DPYSL5: variants seen among roughly 807,000 people sequenced by gnomAD.
The protein encoded by DPYSL5 is dihydropyrimidinase-related protein 5.
Under a neutral mutation model 58.4 loss-of-function variants are expected in DPYSL5, and 9 were observed. The observed-to-expected ratio is 0.15, with a 90% CI of 0.09 to 0.27. The LOEUF (loss-of-function observed/expected upper bound fraction) is 0.27, where lower values mean the gene tolerates loss of function less well. DPYSL5 is among the 10% of genes least tolerant of loss of function. The probability of loss-of-function intolerance (pLI) is 1.00; values close to 1 mark genes in which losing one functional copy is unlikely to be tolerated. For synonymous variants in DPYSL5, 293 were observed against 301.9 expected, an observed-to-expected ratio of 0.97 and a Z score of 0.31; for missense variants, 499 against 770.6, an observed-to-expected ratio of 0.65 and a Z score of 4.17.
intron 5 of DPYSL5, among the ~76,000 whole-genome samples, chr2:26,930,865 G>T (rs6547319): frequency 0.97 from 146,882 of 151,430 alleles, 71,411 homozygotes; most frequent in East Asian, 1. Context: ...TCCCAGCTAC[G>T]CGGGAGGCTG....
rs111877053 is a variant in DPYSL5 at position 26,894,813 on chromosome 2, T to A, written c.-4-3683T>A. On this transcript the variant is annotated intron_variant, in intron 1 of 12. Transcript: ENST00000288699. ...TGCCTTCAGTCAGAGTTCATCAAAG[T>A]CTCACTGATTTCCAAAGCAGAGGTC... Among the ~76,000 whole-genome samples, 322 of 152,252 alleles carry A rather than the reference T, an allele frequency of 2.1e-3. 1 individual carries two copies. Among genetic ancestry groups the A allele is most frequent in the African/African-American group, 7.5e-3 (312 of 41,552 alleles).
chr2:26,897,933 T>C (rs980477846), intron 1 of DPYSL5, among the ~76,000 whole-genome samples: 3 of 152,064 alleles, frequency 2.0e-5, no homozygotes, highest in African/African-American at 7.2e-5. Flanking sequence ...AATAGGAGCA[T>C]GAAGGAAGCA....
intron 5 of DPYSL5, 137 bp from the exon 6 acceptor site, chr2:26,931,503 G>C: frequency 3.4e-6 from 3 of 871,722 alleles, no homozygotes; most frequent in Non-Finnish European, 5.4e-6. Context: ...GGTAGTTGGA[G>C]GTTAGTGCCT....
intron 1 of DPYSL5, among the ~76,000 whole-genome samples, chr2:26,887,542 G>A (rs978683123): frequency 6.6e-6 from 1 of 152,202 alleles, no homozygotes; most frequent in African/African-American, 2.4e-5. Context: ...TACCTTATAG[G>A]AGTGTATGGT....
intron 2 of DPYSL5, among the ~76,000 whole-genome samples, chr2:26,920,033 T>A (rs139104352): frequency 0.011 from 1,692 of 152,334 alleles, 19 homozygotes; most frequent in African/African-American, 0.032. Context: ...TTTTTAATTG[T>A]ATAAATTTTG....
rs542453490 is a variant in DPYSL5 at position 26,944,118 on chromosome 2, G to A, written c.1441-538G>A. 6.6e-6 allele frequency among the ~76,000 whole-genome samples: 1 copy of A among 152,230 alleles called. No homozygotes were observed. The highest frequency in any genetic ancestry group is 2.4e-5 in the African/African-American group (1 of 41,550). The stretch of plus-strand genomic sequence containing the variant: ...CAGCTGGCCAAGATGGTGAAACCCC[G>A]TCTCTATTAAAAATACAAAAATTAG... On this transcript the variant is annotated intron_variant, in intron 11 of 12. Transcript: ENST00000288699. This position sits in a 1 kb window ranked among gnomAD's most constrained non-coding sequence, Gnocchi z 4.4.
At chr2:26,919,928 A>T (rs917988103) in intron 2 of DPYSL5, among the ~76,000 whole-genome samples, 1 of 152,266 alleles carries the variant, frequency 6.6e-6, no homozygotes, top group African/African-American at 2.4e-5. Context: ...GGAATGAAAT[A>T]AATCTACATA....
Position 26,848,605 on chromosome 2 carries a change from C to A in DPYSL5, c.-5+351C>A, listed in dbSNP as rs543150566. 518 of 152,662 alleles carry A rather than the reference C, an allele frequency of 3.4e-3. 7 individuals are homozygous for A. The highest frequency in any genetic ancestry group is 0.019 in the South Asian group (94 of 4,830). 9.5% of individuals were successfully genotyped at this position (152,662 alleles called of 1,614,324 possible). ...GCAGTGGGCCGCTTTCCTAGCCGGG[C>A]GCGGTGCAGTGGACCGCTGGAGGGC... On this transcript the variant is annotated intron_variant, in intron 1 of 12. Coordinates refer to ENST00000288699, the MANE Select transcript of DPYSL5 (RefSeq NM_020134.4).
intron 6 of DPYSL5, 41 bp downstream of exon 6, chr2:26,931,725 T>G (rs767754631): frequency 1.9e-6 from 3 of 1,609,476 alleles, no homozygotes; most frequent in African/African-American, 1.3e-5. Flanking sequence ...GAAACCAACC[T>G]TGGCCAGGCA....
intron 8 of DPYSL5, among the ~76,000 whole-genome samples, chr2:26,938,182 C>T (rs554876951): frequency 2.0e-5 from 3 of 152,196 alleles, no homozygotes; most frequent in Non-Finnish European, 4.4e-5. Context: ...ATGTAACTAC[C>T]GTCATTCACA....
chr2:26,866,729 C>CT (rs1666150945), intron 1 of DPYSL5, among the ~76,000 whole-genome samples: 4 of 147,194 alleles, frequency 2.7e-5, no homozygotes, highest in African/African-American at 7.8e-5. Flanking sequence ...AAAAATTCTT[C>CT]TTCTTTTTTT....
chr2:26,918,642 T>C (rs1352116118), intron 2 of DPYSL5, among the ~76,000 whole-genome samples: 1 of 152,198 alleles, frequency 6.6e-6, no homozygotes, highest in Non-Finnish European at 1.5e-5. Context: ...TGCACTGTGC[T>C]TACCAGTTTA....
At chr2:26,874,115 T>G (rs1318254840) in intron 1 of DPYSL5, among the ~76,000 whole-genome samples, 1 of 152,240 alleles carries the variant, frequency 6.6e-6, no homozygotes, top group African/African-American at 2.4e-5. Flanking sequence ...GCTCATTTTT[T>G]TAATTGCATT....
At chr2:26,851,657 T>C (rs935045102) in intron 1 of DPYSL5, among the ~76,000 whole-genome samples, 1 of 152,062 alleles carries the variant, frequency 6.6e-6, no homozygotes, top group Non-Finnish European at 1.5e-5. Context: ...TAAAAGTAAA[T>C]TGTGGCCAGG....
intron 8 of DPYSL5, among the ~76,000 whole-genome samples, chr2:26,936,538 T>A (rs1665182758): frequency 6.6e-6 from 1 of 152,204 alleles, no homozygotes; most frequent in Non-Finnish European, 1.5e-5. Flanking sequence ...TTCTGTCCCA[T>A]AGCCTTGGTG....
chr2:26,850,983 T>TACAC (rs10690347), intron 1 of DPYSL5, among the ~76,000 whole-genome samples: 16,286 of 151,710 alleles, frequency 0.11, 2,528 homozygotes, highest in African/African-American at 0.34. Context: ...TATACACACA[T>TACAC]ATATATATAC....
intron 2 of DPYSL5, among the ~76,000 whole-genome samples, chr2:26,917,991 G>A (rs1476225956): frequency 1.3e-5 from 2 of 151,960 alleles, no homozygotes; most frequent in Admixed American, 1.3e-4. Context: ...CAAAAAATAA[G>A]CCAGGCATGA....
chr2:26,936,666 T>G (rs1665187104), intron 8 of DPYSL5, among the ~76,000 whole-genome samples: 1 of 152,102 alleles, frequency 6.6e-6, no homozygotes, highest in African/African-American at 2.4e-5. Flanking sequence ...AAAATGCTTG[T>G]TTTGGCTGGG....
At chr2:26,922,286 G>C (rs1036890453) in intron 2 of DPYSL5, among the ~76,000 whole-genome samples, 1 of 152,232 alleles carries the variant, frequency 6.6e-6, no homozygotes, top group African/African-American at 2.4e-5. Flanking sequence ...ATCAATTCAG[G>C]ATAGGCGCGT....
Sources: gnomAD v4.1 joint callset for allele counts (sites outside exome capture counted in the v4.1 genomes callset) on GRCh38, gnomAD v4.1.1 for gene constraint, Gnocchi (gnomAD v3.1) non-coding constraint, MANE v1.5 for transcripts, NCBI Gene and HGNC (gene_info 2026-07-23, HGNC 2026-07-21) for gene names.